Variants in EGFR observed in about 807,000 individuals in gnomAD.
EGFR encodes the protein epidermal growth factor receptor, also known as avian erythroblastic leukemia viral (v-erb-b) oncogene homolog.
Under a neutral mutation model 143.0 loss-of-function variants are expected in EGFR, and 58 were observed. That is an observed-to-expected ratio of 0.41 (90% CI 0.33 to 0.50). The LOEUF is 0.50. Ranked by LOEUF, EGFR falls within the 20% of genes least tolerant of loss-of-function variation. The pLI, the probability that EGFR is intolerant of heterozygous loss-of-function variation, is 0.39. For missense variants in EGFR, 1,307 were observed against 1,579.0 expected (o/e 0.83, Z 2.92); for synonymous variants, 613 against 594.4 (o/e 1.03, Z -0.45).
intron 1 of EGFR, among the ~76,000 whole-genome samples, chr7:55,071,469 A>G (rs1342278857): frequency 6.6e-6 from 1 of 152,246 alleles, no homozygotes; most frequent in Non-Finnish European, 1.5e-5. Context: ...TGAAAAGAGG[A>G]CTAAAACAGA....
chr7:55,053,856 T>A (rs79576996), intron 1 of EGFR, among the ~76,000 whole-genome samples: 1,952 of 152,350 alleles, frequency 0.013, 29 homozygotes, highest in Non-Finnish European at 0.022. Flanking sequence ...TTTTCTTTTA[T>A]TTTTGAAGCT....
At chr7:55,131,941 A>G (rs1319353498) in intron 1 of EGFR, among the ~76,000 whole-genome samples, 1 of 144,736 alleles carries the variant, frequency 6.9e-6, no homozygotes, top group Non-Finnish European at 1.5e-5. Flanking sequence ...TGCTTTCAGA[A>G]AAAAAAAAAA....
intron 15 of EGFR, among the ~76,000 whole-genome samples, chr7:55,169,165 A>G (rs1457783740): frequency 6.7e-6 from 1 of 150,106 alleles, no homozygotes; most frequent in African/African-American, 2.5e-5. Context: ...CAGTGCCGTG[A>G]TCTTGGCTCA....
chr7:55,066,387 G>A (rs1490068930), intron 1 of EGFR, among the ~76,000 whole-genome samples: 5 of 152,090 alleles, frequency 3.3e-5, no homozygotes, highest in Non-Finnish European at 7.4e-5. Context: ...AATGTTCCCC[G>A]GGAGCTGGTG....
intron 1 of EGFR, among the ~76,000 whole-genome samples, chr7:55,060,956 C>G (rs925269911): frequency 3.9e-5 from 6 of 152,198 alleles, no homozygotes; most frequent in Non-Finnish European, 7.3e-5. Context: ...GTTGACTACA[C>G]TTTATGTTCT....
intron 1 of EGFR, among the ~76,000 whole-genome samples, chr7:55,111,011 T>C (rs1462650290): frequency 6.6e-6 from 1 of 152,204 alleles, no homozygotes; most frequent in African/African-American, 2.4e-5. Flanking sequence ...GGAAGCATCA[T>C]TGTTGCTTTT....
At chr7:55,199,100 A>G (rs1243802139) in intron 23 of EGFR, among the ~76,000 whole-genome samples, 1 of 152,200 alleles carries the variant, frequency 6.6e-6, no homozygotes, top group African/African-American at 2.4e-5. Flanking sequence ...AATAAAACTA[A>G]AGTCTTCCGC....
At chr7:55,020,258 A>G (rs1399626650) in intron 1 of EGFR, among the ~76,000 whole-genome samples, 6 of 152,202 alleles carry the variant, frequency 3.9e-5, no homozygotes, top group African/African-American at 1.4e-4. Context: ...CCCGCGCCGA[A>G]AGCCCCAGGC....
chr7:55,117,313 A>G (rs1792918547), intron 1 of EGFR, among the ~76,000 whole-genome samples: 1 of 152,228 alleles, frequency 6.6e-6, no homozygotes, highest in African/African-American at 2.4e-5. Flanking sequence ...TGTTGAATGC[A>G]GGCAAGAAAA....
At chr7:55,126,137 C>T (rs1477990272) in intron 1 of EGFR, among the ~76,000 whole-genome samples, 1 of 152,196 alleles carries the variant, frequency 6.6e-6, no homozygotes, top group East Asian at 1.9e-4. Flanking sequence ...CCTCCAGAAC[C>T]TCTCAGACCA....
intron 1 of EGFR, among the ~76,000 whole-genome samples, chr7:55,024,883 T>C (rs1018914292): frequency 6.6e-6 from 1 of 152,196 alleles, no homozygotes; most frequent in Admixed American, 6.5e-5. Flanking sequence ...GGATGACTTT[T>C]GAGTTCAGTC....
intron 1 of EGFR, among the ~76,000 whole-genome samples, chr7:55,124,189 C>T (rs951069310): frequency 6.6e-6 from 1 of 152,162 alleles, no homozygotes; most frequent in African/African-American, 2.4e-5. Flanking sequence ...ATATGTTTCC[C>T]AGTGCTATTG....
At chr7:55,086,734 G>T (rs532732340) in intron 1 of EGFR, among the ~76,000 whole-genome samples, 1 of 152,198 alleles carries the variant, frequency 6.6e-6, no homozygotes, top group African/African-American at 2.4e-5. Flanking sequence ...GTGATGTGGC[G>T]GCAGCTGGCA....
intron 1 of EGFR, among the ~76,000 whole-genome samples, chr7:55,027,975 T>TAAAAAA (rs5884397): frequency 2.5e-5 from 2 of 81,608 alleles, no homozygotes; most frequent in African/African-American, 9.1e-5. Flanking sequence ...TGCCTTTATG[T>TAAAAAA]AAAAAAAAAA....
chr7:55,083,266 C>G (rs1023291092), intron 1 of EGFR, among the ~76,000 whole-genome samples: 2 of 152,254 alleles, frequency 1.3e-5, no homozygotes, highest in Admixed American at 6.5e-5. Context: ...ATGGCAATGT[C>G]ACCAGCATCG....
At chr7:55,073,443 GATCA>G (rs1272705139) in intron 1 of EGFR, among the ~76,000 whole-genome samples, 2 of 152,186 alleles carry the variant, frequency 1.3e-5, no homozygotes, top group African/African-American at 4.8e-5. Flanking sequence ...CAGGTGCAGT[GATCA>G]ATGCTTTTCT....
chr7:55,157,645 C>T lies in EGFR; in HGVS notation c.1208-18C>T, dbSNP rs779247439. 1.2e-6 allele frequency: 2 copies of T among 1,613,004 alleles called. No individual in the cohort carries two copies. The highest frequency in any genetic ancestry group is 1.7e-6 in the Non-Finnish European group (2 of 1,178,934). On this transcript the variant is annotated intron_variant, in intron 10 of 27. Transcript: ENST00000275493. ...CTCCTACGTGGTGTGTGTCTGAAGT[C>T]TTTCATCTGCCTTACAGGGTTTTTG... is the stretch of plus-strand genomic sequence containing the variant.
chr7:55,142,510 C>T, intron 2 of EGFR, 73 bp downstream of exon 2: 7 of 1,575,510 alleles, frequency 4.4e-6, no homozygotes, highest in Non-Finnish European at 6.1e-6. Flanking sequence ...GGGCAGAATT[C>T]CACTTGAAGT....
intron 1 of EGFR, among the ~76,000 whole-genome samples, chr7:55,093,085 A>G (rs1218079110): frequency 1.3e-5 from 2 of 152,244 alleles, no homozygotes; most frequent in African/African-American, 4.8e-5. Context: ...CCAGAATGAA[A>G]TGAGGCTTTG....
Sources: gnomAD v4.1 joint callset for allele counts (sites outside exome capture counted in the v4.1 genomes callset) on GRCh38, gnomAD v4.1.1 for gene constraint, MANE v1.5 for transcripts, NCBI Gene and HGNC (gene_info 2026-07-23, HGNC 2026-07-21) for gene names.